TRMT61A: variants seen among roughly 807,000 people sequenced by gnomAD.
TRMT61A encodes tRNA (adenine(58)-N(1))-methyltransferase catalytic subunit TRMT61A.
Under a neutral mutation model 21.3 loss-of-function variants are expected in TRMT61A, and 15 were observed. The observed-to-expected ratio is 0.70, with a 90% CI of 0.47 to 1.08. The LOEUF is 1.08. Among genes scored for constraint, TRMT61A ranks in the 50% least tolerant of loss-of-function variants. The probability of loss-of-function intolerance (pLI) is 0.00; values close to 1 mark genes in which losing one functional copy is unlikely to be tolerated. For synonymous variants in TRMT61A, 183 were observed against 185.5 expected (o/e 0.99, Z 0.11); for missense variants, 352 against 426.7 (o/e 0.83, Z 1.54).
rs2075970503 is a variant in TRMT61A at position 103,535,401 on chromosome 14, GCCT to G, written c.*584_*586del. ...ACCAGGGAGGTGACCCTGCTCTCTG[GCCT>G]CCTGGCTGATGTCACAGCACTGAGC... is the stretch of plus-strand genomic sequence containing the variant. On this transcript the variant is annotated 3_prime_UTR_variant, in exon 4 of 4. Transcript: ENST00000389749. The G allele has an allele frequency of 2.2e-6, 1 of 453,902 alleles. No individual in the cohort carries two copies. The highest frequency in any genetic ancestry group is 4.4e-6 in the Non-Finnish European group (1 of 225,716). 28.1% of individuals were successfully genotyped at this position (453,902 alleles called of 1,614,324 possible).
At chr14:103,533,254 G>C (rs1018660366) in intron 3 of TRMT61A, among the ~76,000 whole-genome samples, 4 of 152,236 alleles carry the variant, frequency 2.6e-5, no homozygotes, top group African/African-American at 9.6e-5. Context: ...GCAGCCCTGG[G>C]GAAGGTCGGG....
intron 2 of TRMT61A, 93 bp downstream of exon 2, chr14:103,530,402 G>A: frequency 1.8e-6 from 2 of 1,099,514 alleles, no homozygotes; most frequent in Non-Finnish European, 2.6e-6. Context: ...GACACATGTG[G>A]CTCCTCAGTT....
Position 103,535,412 on chromosome 14 carries a change from G to A in TRMT61A, c.*591G>A, listed in dbSNP as rs922099791. ...GACCCTGCTCTCTGGCCTCCTGGCT[G>A]ATGTCACAGCACTGAGCTCAGCCCA... On this transcript the variant is annotated 3_prime_UTR_variant, in exon 4 of 4. Coordinates refer to ENST00000389749, the MANE Select transcript of TRMT61A (RefSeq NM_152307.3). 3 of 452,016 alleles carry A rather than the reference G, an allele frequency of 6.6e-6. No homozygotes were observed. In the Admixed American group the frequency reaches 7.2e-5, roughly 11 times the overall value. The allele number at this position is 452,016 out of a possible 1,614,324, so 28.0% of individuals were successfully genotyped here.
intron 1 of TRMT61A, 53 bp from the exon 2 acceptor site, chr14:103,529,897 A>G (rs2075947668): frequency 1.5e-6 from 2 of 1,374,168 alleles, no homozygotes; most frequent in Middle Eastern, 2.4e-4. Flanking sequence ...CCTAGACCCT[A>G]GGCCCTCATC....
chr14:103,533,725 C>T (rs1301104125), intron 3 of TRMT61A, among the ~76,000 whole-genome samples: 1 of 152,238 alleles, frequency 6.6e-6, no homozygotes, highest in Non-Finnish European at 1.5e-5. Context: ...GCGAGCTCCC[C>T]CTTCTGGGTC....
Position 103,533,106 on chromosome 14 carries a change from G to A in TRMT61A, c.598+258G>A, listed in dbSNP as rs553429122. ...CCCCCTGATGGAGGAAGGTGGCAGC[G>A]CCACCCAAGTGCAGGGCAGGCCCGG... On this transcript the variant is annotated intron_variant, in intron 3 of 3. Transcript: ENST00000389749. Among the ~76,000 whole-genome samples, 381 of 152,346 alleles carry A rather than the reference G, an allele frequency of 2.5e-3. 2 individuals are homozygous for A. Among genetic ancestry groups the A allele is most frequent in the Admixed American group, 0.012 (181 of 15,310 alleles).
At chr14:103,530,348 G>C (rs1483323930) in intron 2 of TRMT61A, 39 bp downstream of exon 2, 1 of 1,539,520 alleles carries the variant, frequency 6.5e-7, no homozygotes, top group Admixed American at 1.8e-5. Context: ...CGCAGAAATT[G>C]ACACAAAGGT....
chr14:103,530,537 G>T (rs535627495), intron 2 of TRMT61A, among the ~76,000 whole-genome samples: 1 of 152,344 alleles, frequency 6.6e-6, no homozygotes, highest in African/African-American at 2.4e-5. Flanking sequence ...GAGGAGCTGG[G>T]GAGGACTGGT....
intron 3 of TRMT61A, among the ~76,000 whole-genome samples, chr14:103,534,294 G>A (rs879591280): frequency 3.3e-5 from 5 of 152,258 alleles, no homozygotes; most frequent in Non-Finnish European, 7.3e-5. Context: ...GGCTTGACCC[G>A]GTGCCTGGCA....
intron 3 of TRMT61A, among the ~76,000 whole-genome samples, chr14:103,534,281 G>A (rs1055668878): frequency 9.2e-5 from 14 of 152,260 alleles, no homozygotes; most frequent in African/African-American, 2.4e-4. Context: ...CAATGGCAGC[G>A]CGGGCTTGAC....
Position 103,534,850 on chromosome 14 carries a change from TG to T in TRMT61A, c.*32del. The T allele has an allele frequency of 6.5e-7, 1 of 1,533,884 alleles. No individual in the cohort carries two copies. ...GCCGCCTCCCAGGGCACCAGGGAGC[TG>T]GGAGCACTGAAGGGCTGGGCAGGGA... On this transcript the variant is annotated 3_prime_UTR_variant, in exon 4 of 4. Coordinates refer to ENST00000389749, the MANE Select transcript of TRMT61A (RefSeq NM_152307.3).
At chr14:103,533,196 C>T (rs1596000446) in intron 3 of TRMT61A, among the ~76,000 whole-genome samples, 2 of 152,242 alleles carry the variant, frequency 1.3e-5, no homozygotes, top group South Asian at 4.1e-4. Context: ...GGCTCTGGAG[C>T]CCAGGGAGCT....
In TRMT61A at chr14:103,531,364, T is replaced by C. The variant is rs2075953448; in HGVS notation, c.331+1055T>C. ...CTCTCTGAGGAGGGGACATTTGAGTTGAAAATGATGAGGAGGGACCTACGA... is the reference window on the plus strand; with the variant it reads ...CTCTCTGAGGAGGGGACATTTGAGTCGAAAATGATGAGGAGGGACCTACGA... On this transcript the variant is annotated intron_variant, in intron 2 of 3. Transcript: ENST00000389749. The surrounding 1 kb of genome is among the most constrained non-coding windows in gnomAD (Gnocchi z 5.1). 6.6e-6 allele frequency among the ~76,000 whole-genome samples: 1 copy of C among 152,012 alleles called. No homozygotes were observed. Among genetic ancestry groups the C allele is most frequent in the Non-Finnish European group, 1.5e-5 (1 of 67,992 alleles).
At position 103,532,854 on chromosome 14, in the gene TRMT61A, T is replaced by C; in HGVS notation, c.598+6T>C. The C allele has an allele frequency of 2.0e-6, 3 of 1,527,544 alleles. No homozygotes were observed. The highest frequency in any genetic ancestry group is 2.7e-6 in the Non-Finnish European group (3 of 1,131,546). 94.6% of individuals were successfully genotyped at this position (1,527,544 alleles called of 1,614,324 possible). A position where few individuals can be genotyped will look rare whatever the true frequency, so the allele number is the denominator to read the frequency against. On this transcript the variant is annotated splice_donor_region_variant and intron_variant, in intron 3 of 3. Coordinates refer to ENST00000389749, the MANE Select transcript of TRMT61A (RefSeq NM_152307.3). ...GGACGCCCTCAAGGTCGAAGGTGCA[T>C]CCGGGGTTCCGGGAGAGGTACAGCC...
chr14:103,536,274 T>C lies in TRMT61A; in HGVS notation c.*1453T>C, dbSNP rs45441198. On this transcript the variant is annotated 3_prime_UTR_variant, in exon 4 of 4. Coordinates refer to ENST00000389749, the MANE Select transcript of TRMT61A (RefSeq NM_152307.3). Reference sequence around the variant, plus strand: ...AGGAGTGCTGGGCCTTCTTCCACAGTCCTGGGCTGGAATTCAGTGTGGCTG... The same window carrying C: ...AGGAGTGCTGGGCCTTCTTCCACAGCCCTGGGCTGGAATTCAGTGTGGCTG... 49,690 of 152,260 alleles carry C rather than the reference T, an allele frequency of 0.33. 8,379 individuals carry two copies. The highest frequency in any genetic ancestry group is 0.47 in the Middle Eastern group (140 of 296). The allele number at this position is 152,260 out of a possible 1,614,324, so 9.4% of individuals were successfully genotyped here. A position where few individuals can be genotyped will look rare whatever the true frequency, so the allele number is the denominator to read the frequency against.
chr14:103,530,241 A>G lies in TRMT61A; in HGVS notation c.263A>G (p.Tyr88Cys), dbSNP rs751119248. The change falls in exon 2 of 4, where the codon TAC (tyrosine) becomes TGC (cysteine). Residue 88 changes from tyrosine (Y) to cysteine (C), a missense_variant. By Grantham distance (194) the Tyr-to-Cys change is radical (BLOSUM62 -2). Transcript: ENST00000389749. The stretch of plus-strand genomic sequence containing the variant: ...CTGCCGCACCGCACGCAGATCCTCT[A>G]CTCCACAGACATCGCCCTCATCACC... ...LNLPHRTQIL[Y>C]STDIALITMM... 1.9e-6 allele frequency: 3 copies of G among 1,609,550 alleles called. No homozygotes were observed. The highest frequency in any genetic ancestry group is 2.2e-5 in the East Asian group (1 of 44,704).
chr14:103,536,327 G>A lies in TRMT61A; in HGVS notation c.*1506G>A, dbSNP rs569964994. On this transcript the variant is annotated 3_prime_UTR_variant, in exon 4 of 4. Transcript: ENST00000389749. ...TGGGTTACTTGTATGCGCCCCTGAA[G>A]GAAGGGTCCACTCCAGGCCGCCTGG... 2.6e-5 allele frequency: 4 copies of A among 152,438 alleles called. No homozygotes were observed. In the South Asian group the frequency reaches 8.3e-4, roughly 32 times the overall value. The allele number at this position is 152,438 out of a possible 1,614,324, so 9.4% of individuals were successfully genotyped here. A position where few individuals can be genotyped will look rare whatever the true frequency, so the allele number is the denominator to read the frequency against.
chr14:103,529,623 G>A (rs1236867357), intron 1 of TRMT61A, among the ~76,000 whole-genome samples: 2 of 152,360 alleles, frequency 1.3e-5, no homozygotes, highest in East Asian at 3.9e-4. Flanking sequence ...TGGGAGTCAA[G>A]CTCCTGGAGA....
chr14:103,531,022 G>A lies in TRMT61A; in HGVS notation c.331+713G>A, dbSNP rs1046347858. ...CTCCCTGGGGTGTCTGGGTGGGAGG[G>A]GTGGAGAGCAGGACTTAGCCAACTC... is the stretch of plus-strand genomic sequence containing the variant. On this transcript the variant is annotated intron_variant, in intron 2 of 3. Transcript: ENST00000389749. The surrounding 1 kb of genome is among the most constrained non-coding windows in gnomAD (Gnocchi z 5.1). Among the ~76,000 whole-genome samples, 1 of 152,186 alleles carries A rather than the reference G, an allele frequency of 6.6e-6. No individual in the cohort carries two copies. The highest frequency in any genetic ancestry group is 2.4e-5 in the African/African-American group (1 of 41,448).
Sources: gnomAD v4.1 joint callset for allele counts (sites outside exome capture counted in the v4.1 genomes callset) on GRCh38, gnomAD v4.1.1 for gene constraint, Gnocchi (gnomAD v3.1) non-coding constraint, MANE v1.5 for transcripts, NCBI Gene and HGNC (gene_info 2026-07-23, HGNC 2026-07-21) for gene names.